TNFAIP1: variants seen among roughly 807,000 people sequenced by gnomAD.
TNFAIP1 encodes BTB/POZ domain-containing adapter for CUL3-mediated RhoA degradation protein 2.
A neutral mutation model predicts 32.6 loss-of-function variants in TNFAIP1; 20 were observed. The ratio of observed to expected loss-of-function variants is 0.61; its 90% confidence interval spans 0.43 to 0.89. The LOEUF is 0.89. Ranked by LOEUF, TNFAIP1 falls within the 40% of genes least tolerant of loss-of-function variation. TNFAIP1 has a pLI of 0.00. For synonymous variants in TNFAIP1, 166 were observed against 166.8 expected, an observed-to-expected ratio of 1.00 and a Z score of 0.04; for missense variants, 319 against 425.1, an observed-to-expected ratio of 0.75 and a Z score of 2.20.
At chr17:28,338,400 C>G (rs1412675618) in intron 1 of TNFAIP1, among the ~76,000 whole-genome samples, 4 of 152,216 alleles carry the variant, frequency 2.6e-5, no homozygotes, top group Admixed American at 2.6e-4. Flanking sequence ...CATCCTATAG[C>G]TGTTCTTCCC....
intron 1 of TNFAIP1, among the ~76,000 whole-genome samples, chr17:28,338,979 C>A (rs1435445745): frequency 1.3e-5 from 2 of 151,450 alleles, no homozygotes; most frequent in Non-Finnish European, 1.5e-5. Flanking sequence ...ACTTATAATC[C>A]CAGCACTTTG....
chr17:28,340,837 TG>T lies in TNFAIP1; in HGVS notation c.375+362del, dbSNP rs1907336993. Among the ~76,000 whole-genome samples, 1 of 152,306 alleles carries T rather than the reference TG, an allele frequency of 6.6e-6. No individual in the cohort carries two copies. The highest frequency in any genetic ancestry group is 1.9e-4 in the East Asian group (1 of 5,186). On this transcript the variant is annotated intron_variant, in intron 3 of 6. Coordinates refer to ENST00000226225, the MANE Select transcript of TNFAIP1 (RefSeq NM_021137.5). This position sits in a 1 kb window ranked among gnomAD's most constrained non-coding sequence, Gnocchi z 4.1. ...TCAGCTCACTGCAACTTCTGCCTCC[TG>T]GGTTCAAGTGATTCTCGTGATTTGG... is the stretch of plus-strand genomic sequence containing the variant.
intron 6 of TNFAIP1, 38 bp from the exon 7 acceptor site, chr17:28,344,326 A>G (rs1322651943): frequency 1.3e-6 from 2 of 1,580,328 alleles, no homozygotes; most frequent in African/African-American, 2.7e-5. Context: ...CCTCTTGAAG[A>G]TGAAACCTTG....
In TNFAIP1 at chr17:28,340,385, C is replaced by G. The variant is rs1008550329; in HGVS notation, c.282C>G (p.Leu94=). The G allele has an allele frequency of 6.8e-6, 11 of 1,614,006 alleles. No individual in the cohort carries two copies. Among genetic ancestry groups the G allele is most frequent in the Non-Finnish European group, 8.5e-6 (10 of 1,180,022 alleles). The stretch of plus-strand genomic sequence containing the variant: ...ACCTCCGAGATGACACCATCACCCT[C>G]CCTCAGAACCGGCAAGAAATCAAGG... The part of the protein sequence containing the change: ...LNYLRDDTIT[L]PQNRQEIKEL... The change falls in exon 3 of 7, where the codon CTC becomes CTG. Residue 94 remains leucine, a synonymous_variant. Transcript: ENST00000226225. The surrounding 1 kb of genome is among the most constrained non-coding windows in gnomAD (Gnocchi z 4.1).
At chr17:28,341,528 G>A (rs374538209) in intron 5 of TNFAIP1, 72 bp downstream of exon 5, 68 of 1,548,586 alleles carry the variant, frequency 4.4e-5, no homozygotes, top group South Asian at 2.8e-4. Flanking sequence ...CTCCCAGCAC[G>A]GTCGGCGTGG....
At chr17:28,341,478 A>G in intron 5 of TNFAIP1, 22 bp downstream of exon 5, 1 of 1,613,880 alleles carries the variant, frequency 6.2e-7, no homozygotes, top group Non-Finnish European at 8.5e-7. Context: ...CACAGGGCTC[A>G]ACAGACACTG....
intron 1 of TNFAIP1, among the ~76,000 whole-genome samples, chr17:28,339,079 A>G (rs1907266132): frequency 6.6e-6 from 1 of 151,516 alleles, no homozygotes; most frequent in African/African-American, 2.4e-5. Flanking sequence ...AAAAAAAAAA[A>G]AAAAAAAAAT....
intron 2 of TNFAIP1, 133 bp downstream of exon 2, chr17:28,339,859 C>T (rs1478785993): frequency 3.2e-5 from 27 of 838,782 alleles, no homozygotes; most frequent in Non-Finnish European, 4.9e-5. Flanking sequence ...CCTAGTAGAG[C>T]TTCAGAATTC....
Position 28,335,768 on chromosome 17 carries a change from G to A in TNFAIP1, c.-203G>A, listed in dbSNP as rs1384696338. On this transcript the variant is annotated 5_prime_UTR_variant, in exon 1 of 7. Transcript: ENST00000226225. ...AGCGCAGGATGTGAGCTCACAGCTT[G>A]GGACTGCTGAGGGGCAGGCGGCTGC... 1 of 152,412 alleles carries A rather than the reference G, an allele frequency of 6.6e-6. No homozygotes were observed. Among genetic ancestry groups the A allele is most frequent in the Non-Finnish European group, 1.5e-5 (1 of 68,200 alleles). 9.4% of individuals were successfully genotyped at this position (152,412 alleles called of 1,614,324 possible).
chr17:28,337,699 C>T (rs1262665628), intron 1 of TNFAIP1, among the ~76,000 whole-genome samples: 2 of 152,192 alleles, frequency 1.3e-5, no homozygotes, highest in African/African-American at 2.4e-5. Context: ...GAACTTTGCA[C>T]TTACTCTTCC....
Position 28,344,839 on chromosome 17 carries a change from C to T in TNFAIP1, c.*239C>T, listed in dbSNP as rs891328901. On this transcript the variant is annotated 3_prime_UTR_variant, in exon 7 of 7. Transcript: ENST00000226225. The stretch of plus-strand genomic sequence containing the variant: ...TCTGCTCACCATCACCCTTCCTGCC[C>T]GACGGAGCTGCTTCTGCTCCCTGGG... The T allele has an allele frequency of 3.2e-5, 18 of 559,144 alleles. No individual in the cohort carries two copies. The highest frequency in any genetic ancestry group is 2.2e-4 in the Admixed American group (7 of 32,524). 34.6% of individuals were successfully genotyped at this position (559,144 alleles called of 1,614,324 possible).
At chr17:28,339,799 T>C in intron 2 of TNFAIP1, 73 bp downstream of exon 2, 2 of 1,499,310 alleles carry the variant, frequency 1.3e-6, no homozygotes, top group Admixed American at 3.7e-5. Flanking sequence ...AGATCTAGAA[T>C]TCAGTCACTT....
chr17:28,341,509 C>T, intron 5 of TNFAIP1, 53 bp downstream of exon 5: 2 of 1,598,800 alleles, frequency 1.3e-6, no homozygotes, highest in Non-Finnish European at 1.7e-6. Flanking sequence ...CCAAGGAGTA[C>T]TGCCTGTACT....
chr17:28,336,482 GAA>G (rs1907163174), intron 1 of TNFAIP1: 2 of 152,218 alleles, frequency 1.3e-5, no homozygotes, highest in African/African-American at 4.8e-5. Context: ...TGTAGGAAAG[GAA>G]GAGATTAGCT....
At chr17:28,337,038 G>A (rs1320171377) in intron 1 of TNFAIP1, among the ~76,000 whole-genome samples, 2 of 152,234 alleles carry the variant, frequency 1.3e-5, no homozygotes, top group African/African-American at 4.8e-5. Flanking sequence ...TGCATGTGAT[G>A]AGCATTCGGT....
chr17:28,338,618 A>G lies in TNFAIP1; in HGVS notation c.-114-790A>G, dbSNP rs537821474. On this transcript the variant is annotated intron_variant, in intron 1 of 6. Coordinates refer to ENST00000226225, the MANE Select transcript of TNFAIP1 (RefSeq NM_021137.5). ...GGTGGTGCTCAAAATAAACACTGGC[A>G]CAGACTGCTCTGGAGGCTGGAATCT... is the stretch of plus-strand genomic sequence containing the variant. Among the ~76,000 whole-genome samples, 78 of 151,634 alleles carry G rather than the reference A, an allele frequency of 5.1e-4. 1 individual carries two copies. Among genetic ancestry groups the G allele is most frequent in the Admixed American group, 1.2e-3 (19 of 15,230 alleles).
rs1555577951 is a variant in TNFAIP1 at position 28,340,183 on chromosome 17, T to C, written c.206-126T>C. 5 of 950,054 alleles carry C rather than the reference T, an allele frequency of 5.3e-6. 1 individual carries two copies. Among genetic ancestry groups the C allele is most frequent in the Admixed American group, 2.2e-5 (1 of 44,570 alleles). 58.9% of individuals were successfully genotyped at this position (950,054 alleles called of 1,614,324 possible). ...ACCTCCATCCCCGCCTCTGTCACCC[T>C]GCGTAAGGGCTTTGTGCTCGTGGAC... On this transcript the variant is annotated intron_variant, in intron 2 of 6. Coordinates refer to ENST00000226225, the MANE Select transcript of TNFAIP1 (RefSeq NM_021137.5). The surrounding 1 kb of genome is among the most constrained non-coding windows in gnomAD (Gnocchi z 4.1).
In TNFAIP1 at chr17:28,344,782, C is replaced by A; in HGVS notation, c.*182C>A. Reference sequence around the variant, plus strand: ...GGGACCACATTCCCCTGCCTTGCCCCTGAGCACTTCTGGAGACTGCGTCCT... The same window carrying A: ...GGGACCACATTCCCCTGCCTTGCCCATGAGCACTTCTGGAGACTGCGTCCT... On this transcript the variant is annotated 3_prime_UTR_variant, in exon 7 of 7. Transcript: ENST00000226225. The A allele has an allele frequency of 1.6e-6, 1 of 628,556 alleles. No individual in the cohort carries two copies. 38.9% of individuals were successfully genotyped at this position (628,556 alleles called of 1,614,324 possible).
intron 1 of TNFAIP1, 72 bp downstream of exon 1, chr17:28,335,928 C>T (rs1052663379): frequency 1.3e-5 from 2 of 152,128 alleles, no homozygotes; most frequent in African/African-American, 4.8e-5. Flanking sequence ...CGAGCCCGGC[C>T]GGGTCCTGGG....
Sources: allele counts gnomAD v4.1 joint callset (sites outside exome capture counted in the v4.1 genomes callset), GRCh38; gene constraint gnomAD v4.1.1; non-coding constraint Gnocchi (gnomAD v3.1); transcripts MANE v1.5; gene names NCBI Gene and HGNC (gene_info 2026-07-23, HGNC 2026-07-21).